The following DLGAP1 variants were observed in gnomAD, a reference collection of about 807,000 sequenced individuals.
DLGAP1 encodes DLG associated protein 1.
In DLGAP1, 11 loss-of-function variants were observed where a neutral mutation model predicts 90.8. That is an observed-to-expected ratio of 0.12 (90% CI 0.08 to 0.20). The LOEUF (loss-of-function observed/expected upper bound fraction) is 0.20, where lower values mean the gene tolerates loss of function less well. DLGAP1 is among the 10% of genes least tolerant of loss of function. The pLI is 1.00. For missense variants in DLGAP1, 1,050 were observed against 1,333.8 expected (o/e 0.79, Z 3.31); for synonymous variants, 558 against 540.7 (o/e 1.03, Z -0.44).
chr18:4,036,193 A>G (rs1168777083), intron 2 of DLGAP1, among the ~76,000 whole-genome samples: 3 of 152,190 alleles, frequency 2.0e-5, no homozygotes, highest in African/African-American at 7.2e-5. Context: ...ATGAGGTAAT[A>G]CTAGGAGAAA....
chr18:4,197,201 A>AAAAAAAAGAAAAAAAAAAAAAC (rs2077516747), intron 1 of DLGAP1, among the ~76,000 whole-genome samples: 1 of 149,544 alleles, frequency 6.7e-6, no homozygotes, highest in African/African-American at 2.4e-5. Flanking sequence ...AAAAAAAAAA[A>AAAAAAAAGAAAAAAAAAAAAAC]AAAAAAAGAA....
chr18:3,998,058 G>T (rs541392637), intron 3 of DLGAP1, among the ~76,000 whole-genome samples: 221 of 152,148 alleles, frequency 1.5e-3, no homozygotes, highest in African/African-American at 5.0e-3. Flanking sequence ...GCATATGTCT[G>T]GTGGCTTTTT....
chr18:4,436,884 TCAAA>T (rs1338641868), intron 1 of DLGAP1, among the ~76,000 whole-genome samples: 5 of 152,186 alleles, frequency 3.3e-5, no homozygotes, highest in African/African-American at 2.4e-5. Context: ...TAAGCTAGAC[TCAAA>T]CAAAGTCCTA....
At chr18:3,774,698 G>A (rs1204121387) in intron 5 of DLGAP1, 1 of 152,078 alleles carries the variant, frequency 6.6e-6, no homozygotes, top group Non-Finnish European at 1.5e-5. Context: ...AAGAGTACAT[G>A]GTCAGGTCAT....
rs538087061 is a variant in DLGAP1 at position 4,034,226 on chromosome 18, G to A, written c.-158-29025C>T. On this transcript the variant is annotated intron_variant, in intron 2 of 12. Transcript: ENST00000315677. ...CTGGCTAATTTTTGTATTTTTAGTA[G>A]AGATGGGGTTTCACCATGTTGGCCA... Among the ~76,000 whole-genome samples the A allele has an allele frequency of 5.4e-3, 819 of 151,648 alleles. 4 individuals are homozygous for A. The highest frequency in any genetic ancestry group is 9.1e-3 in the Admixed American group (139 of 15,210).
At position 3,758,109 on chromosome 18, in the gene DLGAP1, GAAAA is replaced by G. The variant is rs1318845697; in HGVS notation, c.1173-15601_1173-15598del. Among the ~76,000 whole-genome samples, 10 of 72,038 alleles carry G rather than the reference GAAAA, an allele frequency of 1.4e-4. No individual in the cohort carries two copies. The Admixed American group carries it at 1.5e-3, about 11-fold the overall frequency. 47.3% of individuals were successfully genotyped at this position (72,038 alleles called of 152,430 possible). On this transcript the variant is annotated intron_variant, in intron 5 of 12. Coordinates refer to ENST00000315677, the MANE Select transcript of DLGAP1 (RefSeq NM_004746.4). ...GTGACAGAGCGAGACTCTATCTTGAGAAAAAAAAAAAAAAAAAGACTGAGAGCAA... is the reference window on the plus strand; with the variant it reads ...GTGACAGAGCGAGACTCTATCTTGAGAAAAAAAAAAAAAGACTGAGAGCAA...
chr18:4,091,893 T>C (rs555344984), intron 2 of DLGAP1, among the ~76,000 whole-genome samples: 465 of 25,506 alleles, frequency 0.018, 1 homozygote, highest in African/African-American at 0.065. Flanking sequence ...TTGATCATGT[T>C]TTTTTTTTTC....
chr18:4,117,154 G>T (rs1331618401), intron 2 of DLGAP1, among the ~76,000 whole-genome samples: 1 of 152,192 alleles, frequency 6.6e-6, no homozygotes, highest in Non-Finnish European at 1.5e-5. Context: ...GAGGGAGGTG[G>T]CCATCTACAA....
In DLGAP1 at chr18:4,392,136, C is replaced by A. The variant is rs574969208; in HGVS notation, c.-267+62870G>T. ...CTCCTGATTACTAGGTCATAAAAAACGGATTCCAGAGCCAGCAATCGCCAC... is the reference window on the plus strand; with the variant it reads ...CTCCTGATTACTAGGTCATAAAAAAAGGATTCCAGAGCCAGCAATCGCCAC... On this transcript the variant is annotated intron_variant, in intron 1 of 12. Transcript: ENST00000315677. 4.6e-5 allele frequency among the ~76,000 whole-genome samples: 7 copies of A among 152,204 alleles called. 1 individual carries two copies. In the East Asian group the frequency reaches 1.2e-3, roughly 25 times the overall value.
intron 1 of DLGAP1, among the ~76,000 whole-genome samples, chr18:4,296,955 T>A (rs998590673): frequency 1.3e-5 from 2 of 152,146 alleles, no homozygotes; most frequent in African/African-American, 4.8e-5. Flanking sequence ...AAGTGATGCA[T>A]CATCTGGAGT....
At chr18:3,642,279 G>A (rs1307740533) in intron 7 of DLGAP1, among the ~76,000 whole-genome samples, 1 of 152,158 alleles carries the variant, frequency 6.6e-6, no homozygotes, top group Non-Finnish European at 1.5e-5. Context: ...TACTCGTTGA[G>A]CATCCCAAAT....
intron 7 of DLGAP1, among the ~76,000 whole-genome samples, chr18:3,618,399 A>T (rs775485976): frequency 2.0e-4 from 30 of 152,100 alleles, no homozygotes; most frequent in Non-Finnish European, 2.8e-4. Flanking sequence ...CTTTCAAAGA[A>T]CATCCGACAC....
At chr18:4,222,169 T>C (rs1002342598) in intron 1 of DLGAP1, among the ~76,000 whole-genome samples, 2 of 152,212 alleles carry the variant, frequency 1.3e-5, no homozygotes, top group Non-Finnish European at 2.9e-5. Context: ...ACATATGCTT[T>C]CAGTCCAAAC....
intron 1 of DLGAP1, among the ~76,000 whole-genome samples, chr18:4,380,730 C>G (rs1241021999): frequency 6.6e-6 from 1 of 152,184 alleles, no homozygotes; most frequent in Non-Finnish European, 1.5e-5. Context: ...AATCTTAACT[C>G]TCGGCTTGTA....
rs912595469 is a variant in DLGAP1 at position 3,639,856 on chromosome 18, G to A, written c.1592-57608C>T. Among the ~76,000 whole-genome samples, 3 of 137,976 alleles carry A rather than the reference G, an allele frequency of 2.2e-5. 1 individual carries two copies. Among genetic ancestry groups the A allele is most frequent in the Non-Finnish European group, 4.6e-5 (3 of 64,970 alleles). 90.5% of individuals were successfully genotyped at this position (137,976 alleles called of 152,430 possible). A position where few individuals can be genotyped will look rare whatever the true frequency, so the allele number is the denominator to read the frequency against. On this transcript the variant is annotated intron_variant, in intron 7 of 12. Coordinates refer to ENST00000315677, the MANE Select transcript of DLGAP1 (RefSeq NM_004746.4). ...TGCAAGCTCCGCCTCCTGGGTTCAC[G>A]CCATTCTCCTGCCTCAGCCTTCGGA... is the stretch of plus-strand genomic sequence containing the variant.
intron 2 of DLGAP1, among the ~76,000 whole-genome samples, chr18:4,127,819 A>T (rs1394111352): frequency 6.6e-6 from 1 of 152,194 alleles, no homozygotes; most frequent in Non-Finnish European, 1.5e-5. Context: ...AAGCTTTCAT[A>T]TGTAATTTCT....
chr18:4,031,503 T>G (rs1201048116), intron 2 of DLGAP1, among the ~76,000 whole-genome samples: 1 of 152,208 alleles, frequency 6.6e-6, no homozygotes, highest in Non-Finnish European at 1.5e-5. Flanking sequence ...AAAAGCAGTC[T>G]CACTGGTTCA....
At chr18:4,168,334 G>A (rs1005458925) in intron 1 of DLGAP1, among the ~76,000 whole-genome samples, 3 of 152,032 alleles carry the variant, frequency 2.0e-5, no homozygotes, top group Non-Finnish European at 4.4e-5. Context: ...CAATTCAATG[G>A]AACAAGGGAA....
At chr18:4,255,105 C>T (rs144134044) in intron 1 of DLGAP1, among the ~76,000 whole-genome samples, 3 of 152,244 alleles carry the variant, frequency 2.0e-5, no homozygotes, top group East Asian at 3.9e-4. Context: ...ATTAGTTTTA[C>T]GTACGCCCGA....
Sources: allele counts gnomAD v4.1 joint callset (sites outside exome capture counted in the v4.1 genomes callset), GRCh38; gene constraint gnomAD v4.1.1; transcripts MANE v1.5; gene names NCBI Gene and HGNC (gene_info 2026-07-23, HGNC 2026-07-21).